The following OPALIN variants were observed in gnomAD, a reference collection of about 807,000 sequenced individuals.
OPALIN encodes transmembrane protein 10.
A neutral mutation model predicts 17.8 loss-of-function variants in OPALIN; 15 were observed. The ratio of observed to expected loss-of-function variants is 0.84; its 90% CI spans 0.56 to 1.29. The LOEUF (loss-of-function observed/expected upper bound fraction) is 1.29, where lower values mean the gene tolerates loss of function less well. OPALIN is among the 50% of genes most tolerant of loss of function. The probability of loss-of-function intolerance (pLI) is 0.00; values close to 1 mark genes in which losing one functional copy is unlikely to be tolerated. For missense variants in OPALIN, 170 were observed against 176.0 expected (o/e 0.97, Z 0.19); for synonymous variants, 62 against 63.8 (o/e 0.97, Z 0.14).
chr10:96,355,369 C>T (rs1845776737), intron 1 of OPALIN, 79 bp from the exon 2 acceptor site: 1 of 1,326,570 alleles, frequency 7.5e-7, no homozygotes, highest in Non-Finnish European at 1.1e-6. Context: ...CTCACTGACC[C>T]TGGTGGATTC....
chr10:96,348,578 G>A (rs550258737), intron 4 of OPALIN, among the ~76,000 whole-genome samples: 1 of 152,312 alleles, frequency 6.6e-6, no homozygotes, highest in African/African-American at 2.4e-5. Context: ...GGTGAGAGTA[G>A]AGATGAAACA....
rs769341387 is a variant in OPALIN at position 96,346,018 on chromosome 10, C to A, written c.349G>T (p.Asp117Tyr). ...TVAGSEEPVHDRYRPTIEMER... is the reference protein window; with the variant it reads ...TVAGSEEPVHYRYRPTIEMER... ...ATTTCTATAGTAGGACGGTAACGGTCATGCACAGGTTCCTCGCTTCCTGCT... is the reference window on the plus strand; with the variant it reads ...ATTTCTATAGTAGGACGGTAACGGTAATGCACAGGTTCCTCGCTTCCTGCT... Residue 117 changes from aspartate to tyrosine, a missense_variant, in exon 6 of 6, where the codon GAC becomes TAC. By Grantham distance (160) the Asp-to-Tyr change is radical. Coordinates refer to ENST00000371172, the MANE Select transcript of OPALIN (RefSeq NM_033207.5). 1.9e-6 allele frequency: 3 copies of A among 1,614,182 alleles called. No individual in the cohort carries two copies. The highest frequency in any genetic ancestry group is 2.5e-6 in the Non-Finnish European group (3 of 1,180,018).
intron 5 of OPALIN, among the ~76,000 whole-genome samples, chr10:96,347,898 T>C (rs1845406564): frequency 6.6e-6 from 1 of 152,252 alleles, no homozygotes; most frequent in African/African-American, 2.4e-5. Context: ...TTCAACATTT[T>C]ACTGTTAGGT....
intron 5 of OPALIN, 96 bp from the exon 6 acceptor site, chr10:96,346,213 T>G (rs927419937): frequency 2.8e-6 from 3 of 1,059,266 alleles, no homozygotes; most frequent in South Asian, 1.5e-5. Flanking sequence ...CCACCTGAAA[T>G]AACCAAAATC....
intron 1 of OPALIN, among the ~76,000 whole-genome samples, chr10:96,356,324 A>G (rs183760618): frequency 4.6e-5 from 7 of 152,318 alleles, no homozygotes; most frequent in Non-Finnish European, 8.8e-5. Flanking sequence ...GCATTCATTA[A>G]GTTTTAAAAT....
chr10:96,345,315 G>C lies in OPALIN; in HGVS notation c.*626C>G, dbSNP rs1422819392. ...CTCCTTTAAAAAAGCAAAAACTGAG[G>C]CTTGAAAATGTTAAACAACTTCTCC... On this transcript the variant is annotated 3_prime_UTR_variant, in exon 6 of 6. Coordinates refer to ENST00000371172, the MANE Select transcript of OPALIN (RefSeq NM_033207.5). 1 of 152,090 alleles carries C rather than the reference G, an allele frequency of 6.6e-6. No homozygotes were observed. Among genetic ancestry groups the C allele is most frequent in the Non-Finnish European group, 1.5e-5 (1 of 68,004 alleles). The allele number at this position is 152,090 out of a possible 1,614,324, so 9.4% of individuals were successfully genotyped here.
At chr10:96,347,875 T>C (rs755811776) in intron 5 of OPALIN, among the ~76,000 whole-genome samples, 2 of 152,240 alleles carry the variant, frequency 1.3e-5, no homozygotes, top group Non-Finnish European at 2.9e-5. Context: ...ATTTCTGATC[T>C]AAAGAGAATG....
At chr10:96,350,933 T>TC (rs1845554839) in intron 3 of OPALIN, among the ~76,000 whole-genome samples, 1 of 152,172 alleles carries the variant, frequency 6.6e-6, no homozygotes, top group Non-Finnish European at 1.5e-5. Flanking sequence ...TGAAGAATAA[T>TC]AAAGTATATG....
intron 1 of OPALIN, chr10:96,357,068 C>G: frequency 1.0e-6 from 1 of 985,504 alleles, no homozygotes; most frequent in Non-Finnish European, 1.2e-6. Flanking sequence ...CCTCTTAGGT[C>G]AGGGTCCTCT....
In OPALIN at chr10:96,352,341, C is replaced by CAA. The variant is rs75819216; in HGVS notation, c.40-933_40-932dup. Among the ~76,000 whole-genome samples, 450 of 148,530 alleles carry CAA rather than the reference C, an allele frequency of 3.0e-3. 1 individual carries two copies. The highest frequency in any genetic ancestry group is 7.2e-3 in the East Asian group (37 of 5,120). ...TTTGACAATTATTAACTCCATTTTA[C>CAA]AAAAAAAAAATGTAATAGATCTCAG... On this transcript the variant is annotated intron_variant, in intron 2 of 5. Coordinates refer to ENST00000371172, the MANE Select transcript of OPALIN (RefSeq NM_033207.5).
At chr10:96,349,587 G>A in intron 4 of OPALIN, 120 bp downstream of exon 4, 1 of 1,151,816 alleles carries the variant, frequency 8.7e-7, no homozygotes, top group Non-Finnish European at 1.2e-6. Flanking sequence ...GAAACTTCCA[G>A]CATCTTGTCC....
At chr10:96,352,682 A>T (rs997804264) in intron 2 of OPALIN, among the ~76,000 whole-genome samples, 1 of 108,838 alleles carries the variant, frequency 9.2e-6, no homozygotes, top group East Asian at 2.5e-4. Flanking sequence ...GGCTTTCACT[A>T]AAAAAAAAAA....
chr10:96,354,870 C>T (rs1386127298), intron 2 of OPALIN, among the ~76,000 whole-genome samples: 2 of 150,188 alleles, frequency 1.3e-5, no homozygotes, highest in South Asian at 2.1e-4. Context: ...CTGAGGTGGG[C>T]GGATCACCTG....
intron 3 of OPALIN, among the ~76,000 whole-genome samples, chr10:96,350,256 C>G (rs530874975): frequency 6.6e-6 from 1 of 152,260 alleles, no homozygotes; most frequent in East Asian, 1.9e-4. Context: ...TGCTCTGTTG[C>G]CCAGGCTGGA....
intron 2 of OPALIN, 131 bp from the exon 3 acceptor site, chr10:96,351,541 C>T (rs1845581794): frequency 2.0e-6 from 1 of 507,662 alleles, no homozygotes; most frequent in East Asian, 3.4e-5. Context: ...CTGTTAACAA[C>T]TACCAAACAG....
rs755472539 is a variant in OPALIN, at chr10:96,345,933, G to A, written c.*8C>T. On this transcript the variant is annotated 3_prime_UTR_variant, in exon 6 of 6. Coordinates refer to ENST00000371172, the MANE Select transcript of OPALIN (RefSeq NM_033207.5). ...GTGCCAGGTCTGCTGCTCCTTGACT[G>A]AGCTGCATCATTCCAGGCTCAGTCT... is the stretch of plus-strand genomic sequence containing the variant. 1.2e-6 allele frequency: 2 copies of A among 1,613,644 alleles called. No homozygotes were observed. Among genetic ancestry groups the A allele is most frequent in the South Asian group, 2.2e-5 (2 of 90,988 alleles).
rs1469035319 is a variant in OPALIN at position 96,343,668 on chromosome 10, A to G, written c.*2273T>C. The stretch of plus-strand genomic sequence containing the variant: ...CCAGGATGACTGGGAATGTCTGTTT[A>G]AAAATGGCTAAATCTGCTTGTTTAA... On this transcript the variant is annotated 3_prime_UTR_variant, in exon 6 of 6. Transcript: ENST00000371172. 1 of 152,258 alleles carries G rather than the reference A, an allele frequency of 6.6e-6. No individual in the cohort carries two copies. The highest frequency in any genetic ancestry group is 6.5e-5 in the Admixed American group (1 of 15,282). 9.4% of individuals were successfully genotyped at this position (152,258 alleles called of 1,614,324 possible).
chr10:96,358,184 T>C, intron 1 of OPALIN, among the ~76,000 whole-genome samples: 1 of 18,068 alleles, frequency 5.5e-5, no homozygotes, highest in Non-Finnish European at 1.1e-4. Flanking sequence ...CAATGCTTTT[T>C]GTAAAAAAAA....
At chr10:96,348,014 A>G (rs1007634588) in intron 5 of OPALIN, among the ~76,000 whole-genome samples, 2 of 152,072 alleles carry the variant, frequency 1.3e-5, no homozygotes, top group Admixed American at 1.3e-4. Flanking sequence ...GTTTTTTTGA[A>G]CTTTCTTCCC....
Sources: gnomAD v4.1 joint callset for allele counts (sites outside exome capture counted in the v4.1 genomes callset) on GRCh38, gnomAD v4.1.1 for gene constraint, MANE v1.5 for transcripts, NCBI Gene and HGNC (gene_info 2026-07-23, HGNC 2026-07-21) for gene names.